PSME4: variants seen among roughly 807,000 people sequenced by gnomAD.
PSME4 encodes proteasome activator subunit 4, also known as proteasome activator complex subunit 4.
PSME4 carries 89 observed loss-of-function variants against 253.9 expected under a neutral mutation model. The ratio of observed to expected loss-of-function variants is 0.35; its 90% CI spans 0.30 to 0.42. The LOEUF (loss-of-function observed/expected upper bound fraction) is 0.42. Among genes scored for constraint, PSME4 ranks in the 10% least tolerant of loss-of-function variants. The pLI is 1.00. For synonymous variants in PSME4, 851 were observed against 759.2 expected (o/e 1.12, Z -1.99); for missense variants, 2,014 against 2,195.2 (o/e 0.92, Z 1.65).
chr2:53,926,394 C>T (rs917462597), intron 12 of PSME4, among the ~76,000 whole-genome samples: 3 of 147,104 alleles, frequency 2.0e-5, no homozygotes, highest in African/African-American at 8.1e-5. Flanking sequence ...CGGTAGCTAG[C>T]CAGACACTGT....
At chr2:53,899,163 C>T (rs1680275469) in intron 29 of PSME4, among the ~76,000 whole-genome samples, 1 of 152,136 alleles carries the variant, frequency 6.6e-6, no homozygotes. Context: ...CTCCCAGGTT[C>T]AAGCGATCCT....
intron 20 of PSME4, among the ~76,000 whole-genome samples, chr2:53,913,996 A>G (rs879566171): frequency 3.9e-5 from 6 of 152,220 alleles, no homozygotes; most frequent in African/African-American, 7.2e-5. Context: ...ATCCTTTCAC[A>G]TATCAATGAA....
chr2:53,970,186 A>G (rs373430322), intron 1 of PSME4, among the ~76,000 whole-genome samples: 6 of 152,114 alleles, frequency 3.9e-5, no homozygotes, highest in Admixed American at 6.5e-5. Context: ...CGCCTCTCCC[A>G]TGCGCAAAAG....
chr2:53,942,779 G>A (rs867100160), intron 3 of PSME4, among the ~76,000 whole-genome samples: 35 of 152,144 alleles, frequency 2.3e-4, no homozygotes, highest in African/African-American at 7.7e-4. Context: ...CTGCCTCTGA[G>A]TAGCTACTAA....
At chr2:53,948,258 T>G (rs1669817602) in intron 3 of PSME4, among the ~76,000 whole-genome samples, 163 bp downstream of exon 3, 1 of 152,098 alleles carries the variant, frequency 6.6e-6, no homozygotes, top group Non-Finnish European at 1.5e-5. Flanking sequence ...CAGATACAGT[T>G]TATAGAGGGC....
chr2:53,907,388 T>C (rs1326019518), intron 24 of PSME4, among the ~76,000 whole-genome samples: 3 of 152,166 alleles, frequency 2.0e-5, no homozygotes, highest in African/African-American at 7.2e-5. Flanking sequence ...CACACCACAG[T>C]TCCTTAGTCA....
intron 10 of PSME4, among the ~76,000 whole-genome samples, chr2:53,931,454 A>G (rs905601533): frequency 2.0e-5 from 3 of 152,096 alleles, no homozygotes; most frequent in Non-Finnish European, 2.9e-5. Context: ...AATAAACACA[A>G]TTTTCTTCTC....
At chr2:53,876,431 T>TA (rs940924185) in intron 41 of PSME4, among the ~76,000 whole-genome samples, 11 of 152,218 alleles carry the variant, frequency 7.2e-5, no homozygotes, top group African/African-American at 1.9e-4. Context: ...TGTAAAGGTC[T>TA]GACTTTATTG....
chr2:53,959,065 C>G (rs1413620339), intron 1 of PSME4, among the ~76,000 whole-genome samples: 3 of 152,158 alleles, frequency 2.0e-5, no homozygotes, highest in African/African-American at 7.2e-5. Flanking sequence ...CCTTATAATC[C>G]TAGCACTTTG....
At chr2:53,942,689 T>C (rs979795778) in intron 3 of PSME4, among the ~76,000 whole-genome samples, 4 of 152,206 alleles carry the variant, frequency 2.6e-5, no homozygotes, top group Non-Finnish European at 4.4e-5. Flanking sequence ...TAAATGTTAA[T>C]TATTATTTCA....
At chr2:53,873,957 A>G (rs967802045) in intron 43 of PSME4, among the ~76,000 whole-genome samples, 2 of 152,168 alleles carry the variant, frequency 1.3e-5, no homozygotes, top group Non-Finnish European at 2.9e-5. Flanking sequence ...TGTTAAAATT[A>G]AAGTTATTTT....
At chr2:53,894,764 C>G (rs2104429192) in intron 34 of PSME4, among the ~76,000 whole-genome samples, 1 of 152,188 alleles carries the variant, frequency 6.6e-6, no homozygotes, top group East Asian at 1.9e-4. Flanking sequence ...AAAGCAGTAG[C>G]CAACGGAGGG....
chr2:53,919,263 G>C lies in PSME4; in HGVS notation c.2421-17C>G. Reference sequence around the variant, plus strand: ...ATATCATCTCTAGAAAAAAAAAAAAGACATTTTCATATTTCCAAATCCCTA... The same window carrying C: ...ATATCATCTCTAGAAAAAAAAAAAACACATTTTCATATTTCCAAATCCCTA... On this transcript the variant is annotated splice_polypyrimidine_tract_variant and intron_variant, in intron 19 of 46. Coordinates refer to ENST00000404125, the MANE Select transcript of PSME4 (RefSeq NM_014614.3). 3 of 1,529,488 alleles carry C rather than the reference G, an allele frequency of 2.0e-6. No homozygotes were observed. The highest frequency in any genetic ancestry group is 2.6e-6 in the Non-Finnish European group (3 of 1,141,642). The allele number at this position is 1,529,488 out of a possible 1,614,324, so 94.7% of individuals were successfully genotyped here.
intron 1 of PSME4, among the ~76,000 whole-genome samples, chr2:53,968,905 T>C (rs1228816381): frequency 6.6e-6 from 1 of 152,208 alleles, no homozygotes; most frequent in Non-Finnish European, 1.5e-5. Flanking sequence ...TATGCCTTGG[T>C]AGATTCTAGG....
At chr2:53,921,321 C>T (rs1668304977) in intron 17 of PSME4, among the ~76,000 whole-genome samples, 2 of 151,664 alleles carry the variant, frequency 1.3e-5, no homozygotes, top group Non-Finnish European at 1.5e-5. Context: ...TAGTAACATC[C>T]CTTTCAAAAG....
chr2:53,874,211 T>C, intron 43 of PSME4, 128 bp downstream of exon 43: 1 of 913,190 alleles, frequency 1.1e-6, no homozygotes, highest in Non-Finnish European at 1.6e-6. Flanking sequence ...CTCACTGACT[T>C]CGTCTCTCAA....
chr2:53,882,121 A>G (rs1371572228), intron 41 of PSME4, among the ~76,000 whole-genome samples: 1 of 152,142 alleles, frequency 6.6e-6, no homozygotes, highest in African/African-American at 2.4e-5. Context: ...TTAACAGAAC[A>G]GCCAATGTAC....
At chr2:53,959,744 T>C (rs1670398021) in intron 1 of PSME4, among the ~76,000 whole-genome samples, 1 of 152,052 alleles carries the variant, frequency 6.6e-6, no homozygotes, top group Admixed American at 6.6e-5. Context: ...AGTGAACAAA[T>C]AAGAGGAAAG....
At chr2:53,955,629 G>T (rs1252571985) in intron 1 of PSME4, among the ~76,000 whole-genome samples, 1 of 152,068 alleles carries the variant, frequency 6.6e-6, no homozygotes. Flanking sequence ...CAAGGAAAAA[G>T]AAACAAAACA....
Sources: gnomAD v4.1 joint callset for allele counts (sites outside exome capture counted in the v4.1 genomes callset) on GRCh38, gnomAD v4.1.1 for gene constraint, MANE v1.5 for transcripts, NCBI Gene and HGNC (gene_info 2026-07-23, HGNC 2026-07-21) for gene names.